IGSF11: variants seen among roughly 807,000 people sequenced by gnomAD.
IGSF11 encodes the protein immunoglobulin superfamily member 11, also known as CXADR like 1.
IGSF11 carries 22 observed loss-of-function variants against 41.0 expected under a neutral mutation model. That is an observed-to-expected ratio of 0.54 (90% CI 0.38 to 0.77). The LOEUF (loss-of-function observed/expected upper bound fraction) is 0.77. IGSF11 is among the 30% of genes least tolerant of loss of function. The probability of loss-of-function intolerance (pLI) is 0.00; values close to 1 mark genes in which losing one functional copy is unlikely to be tolerated. For synonymous variants in IGSF11, 219 were observed against 201.3 expected, an observed-to-expected ratio of 1.09 and a Z score of -0.74; for missense variants, 444 against 530.8, an observed-to-expected ratio of 0.84 and a Z score of 1.61.
chr3:118,947,455 T>C (rs1348207507), intron 1 of IGSF11: 1 of 152,234 alleles, frequency 6.6e-6, no homozygotes, highest in Non-Finnish European at 1.5e-5. Context: ...GATTTTGTTA[T>C]AATCCAGAAG....
At chr3:119,129,920 C>T (rs985559564) in intron 1 of IGSF11, among the ~76,000 whole-genome samples, 12 of 151,886 alleles carry the variant, frequency 7.9e-5, no homozygotes, top group Non-Finnish European at 1.2e-4. Flanking sequence ...AGGAGGTCGA[C>T]GCTGCAGTAA....
chr3:119,012,761 A>G (rs541391066), intron 1 of IGSF11: 1 of 152,336 alleles, frequency 6.6e-6, no homozygotes, highest in South Asian at 2.1e-4. Context: ...ACTAGCACTT[A>G]TGAGGAATCT....
intron 1 of IGSF11, among the ~76,000 whole-genome samples, chr3:118,936,377 G>A (rs556017416): frequency 6.6e-6 from 1 of 151,800 alleles, no homozygotes; most frequent in Non-Finnish European, 1.5e-5. Flanking sequence ...CGTGGTGGCA[G>A]GTGCCTGTAG....
At chr3:118,985,717 G>A (rs982462610) in intron 1 of IGSF11, among the ~76,000 whole-genome samples, 1 of 151,872 alleles carries the variant, frequency 6.6e-6, no homozygotes, top group African/African-American at 2.4e-5. Flanking sequence ...TCCTAAATTG[G>A]TCTCCTCAAT....
intron 1 of IGSF11, among the ~76,000 whole-genome samples, chr3:119,057,103 G>C (rs1337529298): frequency 1.3e-5 from 2 of 152,124 alleles, no homozygotes; most frequent in African/African-American, 4.8e-5. Flanking sequence ...ATTCAACATA[G>C]TGTTGGAAGT....
chr3:119,054,875 GCCT>G (rs1199569736), intron 1 of IGSF11, among the ~76,000 whole-genome samples: 1 of 150,982 alleles, frequency 6.6e-6, no homozygotes, highest in Non-Finnish European at 1.5e-5. Context: ...CGGGCAGACT[GCCT>G]CCTCAAGTGG....
At chr3:119,145,265 G>C (rs2077705333) in intron 1 of IGSF11, among the ~76,000 whole-genome samples, 1 of 152,172 alleles carries the variant, frequency 6.6e-6, no homozygotes, top group Non-Finnish European at 1.5e-5. Context: ...GCCTGCCTCA[G>C]TGATTTCAGG....
At position 118,963,518 on chromosome 3, in the gene IGSF11, G is replaced by A. The variant is rs571088563; in HGVS notation, c.53-33243C>T. On this transcript the variant is annotated intron_variant, in intron 1 of 6. Coordinates refer to ENST00000393775, the MANE Select transcript of IGSF11 (RefSeq NM_001015887.3). ...AGGGTTGAGGTGCTATAGCCCTAGG[G>A]GATAATTATGTTCATAGATAGCTAA... 1.3e-5 allele frequency among the ~76,000 whole-genome samples: 2 copies of A among 152,140 alleles called. 1 individual carries two copies. Among genetic ancestry groups the A allele is most frequent in the South Asian group, 4.2e-4 (2 of 4,814 alleles).
chr3:119,019,856 T>C (rs571554854), intron 1 of IGSF11, among the ~76,000 whole-genome samples: 1 of 152,296 alleles, frequency 6.6e-6, no homozygotes, highest in African/African-American at 2.4e-5. Context: ...AATGTTTGTA[T>C]ACCCCACAAA....
intron 1 of IGSF11, among the ~76,000 whole-genome samples, chr3:118,984,105 T>C (rs1229880693): frequency 2.0e-5 from 3 of 152,110 alleles, no homozygotes; most frequent in Admixed American, 1.3e-4. Context: ...TAAAATCTTT[T>C]TTCTTGACTT....
chr3:118,996,242 C>T (rs986832369), intron 1 of IGSF11, among the ~76,000 whole-genome samples: 1 of 152,222 alleles, frequency 6.6e-6, no homozygotes, highest in Non-Finnish European at 1.5e-5. Context: ...TTAGCAGTTT[C>T]ATATCTCAGT....
chr3:118,949,522 A>G (rs539875311), intron 1 of IGSF11, among the ~76,000 whole-genome samples: 95 of 152,306 alleles, frequency 6.2e-4, no homozygotes, highest in Middle Eastern at 6.8e-3. Flanking sequence ...GTTAACATCT[A>G]AGAGGCTTGA....
chr3:119,129,190 G>A (rs1256754517), intron 1 of IGSF11, among the ~76,000 whole-genome samples: 3 of 152,006 alleles, frequency 2.0e-5, no homozygotes, highest in Non-Finnish European at 4.4e-5. Context: ...GAACTTAGAG[G>A]ATGAGTCAAT....
chr3:119,034,220 C>T (rs1940692785), intron 1 of IGSF11, among the ~76,000 whole-genome samples: 1 of 152,320 alleles, frequency 6.6e-6, no homozygotes, highest in South Asian at 2.1e-4. Flanking sequence ...TAAGGGAGTT[C>T]GTTATCTAAA....
chr3:119,008,468 A>G (rs921246079), intron 1 of IGSF11, among the ~76,000 whole-genome samples: 6 of 152,344 alleles, frequency 3.9e-5, no homozygotes, highest in Middle Eastern at 3.4e-3. Context: ...GATCCTGTAC[A>G]GAAACCTAGG....
upstream of IGSF11, among the ~76,000 whole-genome samples, chr3:119,110,066 G>A (rs1281741711): frequency 1.3e-5 from 2 of 152,068 alleles, no homozygotes; most frequent in Non-Finnish European, 2.9e-5. Flanking sequence ...TGTATATTCT[G>A]TTGATTTGGG....
chr3:119,081,247 T>C (rs556702947), intron 1 of IGSF11, among the ~76,000 whole-genome samples: 1 of 152,270 alleles, frequency 6.6e-6, no homozygotes, highest in Admixed American at 6.5e-5. Context: ...TTTCTGTCTT[T>C]CACTTCTATT....
At chr3:119,083,383 A>G (rs1333587874) in intron 1 of IGSF11, among the ~76,000 whole-genome samples, 1 of 152,016 alleles carries the variant, frequency 6.6e-6, no homozygotes, top group Non-Finnish European at 1.5e-5. Context: ...GATTACAAGC[A>G]TGGGCCACTG....
At chr3:118,908,594 T>C (rs181859686) in intron 4 of IGSF11, among the ~76,000 whole-genome samples, 45 of 152,354 alleles carry the variant, frequency 3.0e-4, no homozygotes, top group Middle Eastern at 3.4e-3. Flanking sequence ...ATATATTTTT[T>C]AGCTTCTTTT....
Sources: allele counts gnomAD v4.1 joint callset (sites outside exome capture counted in the v4.1 genomes callset), GRCh38; gene constraint gnomAD v4.1.1; transcripts MANE v1.5; gene names NCBI Gene and HGNC (gene_info 2026-07-23, HGNC 2026-07-21).